The following SPAG1 variants were observed in gnomAD, a reference collection of about 807,000 sequenced individuals.
SPAG1 encodes the protein sperm-associated antigen 1.
In SPAG1, 69 loss-of-function variants were observed where a neutral mutation model predicts 100.5. That is an observed-to-expected ratio of 0.69 (90% CI 0.57 to 0.84). The LOEUF (loss-of-function observed/expected upper bound fraction) is 0.84. Among genes scored for constraint, SPAG1 ranks in the 40% least tolerant of loss-of-function variants. SPAG1 has a pLI of 0.00. For synonymous variants in SPAG1, 336 were observed against 411.6 expected, an observed-to-expected ratio of 0.82 and a Z score of 2.22; for missense variants, 955 against 1,133.1, an observed-to-expected ratio of 0.84 and a Z score of 2.26.
At chr8:100,181,166 G>A (rs1273388444) in intron 4 of SPAG1, among the ~76,000 whole-genome samples, 2 of 152,138 alleles carry the variant, frequency 1.3e-5, no homozygotes, top group African/African-American at 4.8e-5. Flanking sequence ...TGTATACTGA[G>A]TCCATGTCTT....
intron 3 of SPAG1, among the ~76,000 whole-genome samples, chr8:100,177,365 A>G (rs919004550): frequency 2.6e-5 from 4 of 152,104 alleles, no homozygotes; most frequent in African/African-American, 9.7e-5. Flanking sequence ...ATTACGTATT[A>G]TAGTGTCTCC....
intron 10 of SPAG1, among the ~76,000 whole-genome samples, chr8:100,208,423 C>G (rs1012765072): frequency 2.0e-5 from 3 of 152,104 alleles, no homozygotes; most frequent in African/African-American, 7.2e-5. Flanking sequence ...ATAGCCCAAC[C>G]CAGCCAGGAC....
At chr8:100,187,512 C>A (rs189473949) in intron 8 of SPAG1, among the ~76,000 whole-genome samples, 20 of 151,466 alleles carry the variant, frequency 1.3e-4, no homozygotes, top group African/African-American at 4.8e-4. Context: ...AACAAAAAAC[C>A]AACAACAACA....
At chr8:100,190,482 C>A (rs1816766532) in intron 8 of SPAG1, among the ~76,000 whole-genome samples, 1 of 151,320 alleles carries the variant, frequency 6.6e-6, no homozygotes, top group Admixed American at 6.6e-5. Context: ...GAAACGTACC[C>A]AAAAAATCAA....
chr8:100,231,378 A>G (rs1325412192), intron 15 of SPAG1, 90 bp downstream of exon 15: 2 of 906,924 alleles, frequency 2.2e-6, no homozygotes, highest in Non-Finnish European at 3.2e-6. Flanking sequence ...CAATTAAGTA[A>G]TTGCCAAAGT....
chr8:100,189,663 T>A (rs1168083101), intron 8 of SPAG1, among the ~76,000 whole-genome samples: 3 of 151,924 alleles, frequency 2.0e-5, no homozygotes, highest in Non-Finnish European at 4.4e-5. Context: ...TCAAAAAAAA[T>A]AAATAAATAC....
chr8:100,191,412 A>G lies in SPAG1; in HGVS notation c.855A>G (p.Thr285=). ...NVKALLRRAT[T]YKHQNKLREA... ...CAGCTCTTCTGCGTCGTGCTACTAC[A>G]TATAAACATCAAAACAAGCTCCGGG... The change falls in exon 9 of 19, where the codon ACA becomes ACG. Residue 285 remains threonine, a synonymous_variant. Coordinates refer to ENST00000388798, the MANE Select transcript of SPAG1 (RefSeq NM_003114.5). The G allele has an allele frequency of 6.2e-7, 1 of 1,613,828 alleles. No homozygotes were observed.
At chr8:100,188,260 TC>T (rs1816671236) in intron 8 of SPAG1, among the ~76,000 whole-genome samples, 1 of 152,130 alleles carries the variant, frequency 6.6e-6, no homozygotes, top group African/African-American at 2.4e-5. Flanking sequence ...CAAGTGATCC[TC>T]CCACCTCAGC....
chr8:100,215,441 C>T (rs1817936338), intron 12 of SPAG1, among the ~76,000 whole-genome samples: 1 of 152,220 alleles, frequency 6.6e-6, no homozygotes, highest in Admixed American at 6.5e-5. Flanking sequence ...ATAACACTCT[C>T]AGAAACTCTA....
chr8:100,217,488 A>AG (rs1563803997), intron 12 of SPAG1, among the ~76,000 whole-genome samples: 1 of 151,928 alleles, frequency 6.6e-6, no homozygotes, highest in Non-Finnish European at 1.5e-5. Context: ...AAGATCTTGA[A>AG]GGTCTCTAAG....
Position 100,225,223 on chromosome 8 carries a change from T to C in SPAG1, c.1739T>C (p.Leu580Pro). 6.2e-7 allele frequency: 1 copy of C among 1,613,924 alleles called. No individual in the cohort carries two copies. Among genetic ancestry groups the C allele is most frequent in the Non-Finnish European group, 8.5e-7 (1 of 1,179,888 alleles). Residue 580 changes from leucine to proline, a missense_variant, in exon 14 of 19, where the codon CTG (leucine) becomes CCG (proline). Leu to Pro is a moderately conservative substitution (Grantham distance 98). Transcript: ENST00000388798. ...ELDGPNWREKLSPIPAVPASV... is the reference protein window; with the variant it reads ...ELDGPNWREKPSPIPAVPASV... ...GATGGACCAAATTGGCGGGAGAAGCTGTCACCTATTCCTGCTGTGCCTGCT... is the reference window on the plus strand; with the variant it reads ...GATGGACCAAATTGGCGGGAGAAGCCGTCACCTATTCCTGCTGTGCCTGCT...
chr8:100,219,482 A>AT (rs1448598947), intron 12 of SPAG1, among the ~76,000 whole-genome samples: 1 of 152,190 alleles, frequency 6.6e-6, no homozygotes, highest in Non-Finnish European at 1.5e-5. Context: ...ATAAATACAG[A>AT]TTTGTGATTC....
At chr8:100,159,052 T>G (rs1815194445) in intron 1 of SPAG1, 1 of 152,070 alleles carries the variant, frequency 6.6e-6, no homozygotes, top group African/African-American at 2.4e-5. Flanking sequence ...AAGAGATGGC[T>G]CTATCATTTC....
At chr8:100,221,284 C>T (rs1373400648) in intron 13 of SPAG1, among the ~76,000 whole-genome samples, 1 of 151,868 alleles carries the variant, frequency 6.6e-6, no homozygotes, top group East Asian at 1.9e-4. Context: ...TGTTATATGC[C>T]CTTGTAAATA....
intron 8 of SPAG1, among the ~76,000 whole-genome samples, chr8:100,187,504 CA>C (rs1816635408): frequency 6.6e-6 from 1 of 151,782 alleles, no homozygotes. Context: ...TCTCAATAAA[CA>C]AAAAACCAAC....
intron 16 of SPAG1, among the ~76,000 whole-genome samples, chr8:100,236,916 C>G (rs889933680): frequency 6.6e-6 from 1 of 152,088 alleles, no homozygotes; most frequent in Non-Finnish European, 1.5e-5. Flanking sequence ...AAAAGAATAT[C>G]ATAAAATAAC....
At chr8:100,209,945 T>C (rs969720306) in intron 10 of SPAG1, among the ~76,000 whole-genome samples, 25 of 152,022 alleles carry the variant, frequency 1.6e-4, no homozygotes, top group African/African-American at 6.0e-4. Flanking sequence ...TAATTATGAA[T>C]AGAGATACTT....
At chr8:100,172,964 G>C (rs1815942236) in intron 3 of SPAG1, among the ~76,000 whole-genome samples, 1 of 150,056 alleles carries the variant, frequency 6.7e-6, no homozygotes, top group Non-Finnish European at 1.5e-5. Context: ...TCAGGATGCA[G>C]ACAGCTTGAT....
chr8:100,213,854 T>G lies in SPAG1; in HGVS notation c.1471T>G (p.Ser491Ala). Residue 491 changes from serine to alanine, a missense_variant, in exon 12 of 19, where the codon TCA becomes GCA. Physicochemically the swap from Ser to Ala is moderately conservative, Grantham distance 99. Coordinates refer to ENST00000388798, the MANE Select transcript of SPAG1 (RefSeq NM_003114.5). ...EIADDLSILY[S>A]NRAACYLKEG... is the part of the protein sequence containing the mutation. ...TGCAGATGATCTAAGTATCTTATAT[T>G]CAAATAGAGCAGCATGTTACCTAAA... 1 of 1,604,992 alleles carries G rather than the reference T, an allele frequency of 6.2e-7. No individual in the cohort carries two copies.
Sources: allele counts gnomAD v4.1 joint callset (sites outside exome capture counted in the v4.1 genomes callset), GRCh38; gene constraint gnomAD v4.1.1; transcripts MANE v1.5; gene names NCBI Gene and HGNC (gene_info 2026-07-23, HGNC 2026-07-21).